Variants in KDM2B observed in about 807,000 individuals in gnomAD.
KDM2B encodes the protein lysine demethylase 2B.
KDM2B carries 26 observed loss-of-function variants against 150.0 expected under a neutral mutation model. The ratio of observed to expected loss-of-function variants is 0.17; its 90% CI spans 0.13 to 0.24. The LOEUF (loss-of-function observed/expected upper bound fraction) is 0.24, where lower values mean the gene tolerates loss of function less well. Among genes scored for constraint, KDM2B ranks in the 10% least tolerant of loss-of-function variants. The pLI is 1.00. For synonymous variants in KDM2B, 734 were observed against 729.5 expected, an observed-to-expected ratio of 1.01 and a Z score of -0.10; for missense variants, 1,265 against 1,816.9, an observed-to-expected ratio of 0.70 and a Z score of 5.52.
intron 9 of KDM2B, chr12:121,516,206 T>G: frequency 3.9e-6 from 1 of 255,550 alleles, no homozygotes; most frequent in South Asian, 3.6e-5. Context: ...GGTTTTGACT[T>G]TTCAAATCTT....
chr12:121,465,795 G>A (rs1157828549), intron 12 of KDM2B, among the ~76,000 whole-genome samples: 2 of 152,148 alleles, frequency 1.3e-5, no homozygotes, highest in Non-Finnish European at 2.9e-5. Context: ...CCCAGAAATG[G>A]CAAACTGTCG....
chr12:121,439,380 CTTTT>C (rs530764831), intron 22 of KDM2B, among the ~76,000 whole-genome samples: 4 of 129,566 alleles, frequency 3.1e-5, no homozygotes, highest in Non-Finnish European at 3.3e-5. Context: ...CCAATGGTAA[CTTTT>C]TTTTTTTTTT....
chr12:121,541,847 G>T (rs782252324), intron 6 of KDM2B, among the ~76,000 whole-genome samples: 2 of 152,062 alleles, frequency 1.3e-5, no homozygotes, highest in Non-Finnish European at 2.9e-5. Flanking sequence ...AGGAGCAAAG[G>T]AGGGGAGGAG....
intron 11 of KDM2B, among the ~76,000 whole-genome samples, chr12:121,504,924 A>G (rs568574303): frequency 5.5e-4 from 84 of 152,080 alleles, no homozygotes; most frequent in Middle Eastern, 3.4e-3. Flanking sequence ...AGACCATCCT[A>G]GCTAACATGG....
At chr12:121,501,661 C>T (rs1182273050) in intron 11 of KDM2B, among the ~76,000 whole-genome samples, 1 of 152,122 alleles carries the variant, frequency 6.6e-6, no homozygotes, top group Admixed American at 6.5e-5. Flanking sequence ...TGCTCTGTCG[C>T]CCAGGCTGGA....
intron 4 of KDM2B, among the ~76,000 whole-genome samples, chr12:121,551,337 T>G (rs73227903): frequency 0.031 from 4,633 of 151,380 alleles, 108 homozygotes; most frequent in Non-Finnish European, 0.047. Flanking sequence ...CACAGCAAGA[T>G]TCCATTCTTT....
rs531977921 is a variant in KDM2B, at chr12:121,457,731, C to T, written c.1735-4387G>A. Among the ~76,000 whole-genome samples the T allele has an allele frequency of 6.8e-5, 9 of 132,208 alleles. No homozygotes were observed. The East Asian group carries it at 1.9e-3, about 29-fold the overall frequency. 86.7% of individuals were successfully genotyped at this position (132,208 alleles called of 152,430 possible). A position where few individuals can be genotyped will look rare whatever the true frequency, so the allele number is the denominator to read the frequency against. The stretch of plus-strand genomic sequence containing the variant: ...GCCCACTATGAAAGGTTAGGAAGAT[C>T]GGAAACATACACACACACACACACA... On this transcript the variant is annotated intron_variant, in intron 12 of 22. Transcript: ENST00000377071.
At chr12:121,536,056 G>A in intron 6 of KDM2B, 2 of 985,986 alleles carry the variant, frequency 2.0e-6, no homozygotes, top group Non-Finnish European at 2.4e-6. Flanking sequence ...TCCATGGTTT[G>A]GGGAAGAGGG....
intron 13 of KDM2B, among the ~76,000 whole-genome samples, chr12:121,445,826 G>A (rs1358897176): frequency 1.3e-5 from 2 of 152,210 alleles, no homozygotes; most frequent in East Asian, 3.9e-4. Context: ...CCCCAAAGGA[G>A]CAGGGGCGTG....
chr12:121,444,158 C>T lies in KDM2B; in HGVS notation c.2305G>A (p.Glu769Lys), dbSNP rs1555289476. ...EGQEPAKRRSECEEAPRRRSD... is the reference protein window; with the variant it reads ...EGQEPAKRRSKCEEAPRRRSD... Reference sequence around the variant, plus strand: ...CTGCGCCGGGGCGCCTCCTCACACTCACTCCTCCGCTTGGCAGGTTCCTGC... The same window carrying T: ...CTGCGCCGGGGCGCCTCCTCACACTTACTCCTCCGCTTGGCAGGTTCCTGC... The change falls in exon 16 of 23, where the codon GAG becomes AAG. Residue 769 changes from glutamate to lysine, a missense_variant. Glu to Lys is a moderately conservative substitution (Grantham distance 56). Coordinates refer to ENST00000377071, the MANE Select transcript of KDM2B (RefSeq NM_032590.5). The T allele has an allele frequency of 6.8e-6, 11 of 1,612,590 alleles. No individual in the cohort carries two copies. The highest frequency in any genetic ancestry group is 8.5e-6 in the Non-Finnish European group (10 of 1,180,038).
chr12:121,470,594 G>C (rs1258821037), intron 12 of KDM2B: 1 of 152,236 alleles, frequency 6.6e-6, no homozygotes, highest in Non-Finnish European at 1.5e-5. Context: ...AGCCCCATAA[G>C]GTGGGTACTT....
chr12:121,491,438 A>C (rs1256852534), intron 12 of KDM2B, among the ~76,000 whole-genome samples: 1 of 152,102 alleles, frequency 6.6e-6, no homozygotes, highest in Non-Finnish European at 1.5e-5. Flanking sequence ...TGGGGTATTC[A>C]TTCTTCTTCT....
chr12:121,412,726 T>C, the KDM2B span, among the ~76,000 whole-genome samples: 2 of 143,860 alleles, frequency 1.4e-5, 1 homozygote, highest in Non-Finnish European at 3.1e-5. Flanking sequence ...TGTTCATGCT[T>C]TTTTTTTTTT....
intron 11 of KDM2B, among the ~76,000 whole-genome samples, chr12:121,507,039 G>A (rs2140794439): frequency 6.7e-6 from 1 of 149,302 alleles, no homozygotes; most frequent in South Asian, 2.2e-4. Flanking sequence ...GGAGCTTGCA[G>A]TAAGCCGAGA....
intron 21 of KDM2B, 35 bp downstream of exon 21, chr12:121,440,781 C>T: frequency 6.3e-7 from 1 of 1,575,286 alleles, no homozygotes; most frequent in Non-Finnish European, 8.6e-7. Context: ...CTCGCTCACC[C>T]CACCCCCACA....
intron 9 of KDM2B, among the ~76,000 whole-genome samples, chr12:121,517,956 G>C (rs908714171): frequency 6.6e-6 from 1 of 151,424 alleles, no homozygotes; most frequent in Non-Finnish European, 1.5e-5. Flanking sequence ...GCAGTGGTGC[G>C]ATCTCAGCTC....
At chr12:121,524,977 G>A (rs368782915) in intron 8 of KDM2B, among the ~76,000 whole-genome samples, 33 of 152,284 alleles carry the variant, frequency 2.2e-4, no homozygotes, top group East Asian at 1.9e-3. Context: ...GAATCCAAAG[G>A]CCCCACCCAC....
intron 4 of KDM2B, among the ~76,000 whole-genome samples, chr12:121,570,908 A>G (rs1193242137): frequency 6.6e-6 from 1 of 152,230 alleles, no homozygotes; most frequent in Non-Finnish European, 1.5e-5. Context: ...CAAAAAGTAG[A>G]AACAACCAAA....
chr12:121,572,822 ATTTTT>A (rs33946368), intron 4 of KDM2B, among the ~76,000 whole-genome samples: 4 of 100,200 alleles, frequency 4.0e-5, no homozygotes, highest in Admixed American at 1.1e-4. Flanking sequence ...ACCTGGATAA[ATTTTT>A]TTTTTTTTTT....
Sources: gnomAD v4.1 joint callset for allele counts (sites outside exome capture counted in the v4.1 genomes callset) on GRCh38, gnomAD v4.1.1 for gene constraint, MANE v1.5 for transcripts, NCBI Gene and HGNC (gene_info 2026-07-23, HGNC 2026-07-21) for gene names.